Variants in LRP1B observed in about 807,000 individuals in gnomAD.
LRP1B encodes LDL receptor related protein 1B.
LRP1B carries 217 observed loss-of-function variants against 556.6 expected under a neutral mutation model. That is an observed-to-expected ratio of 0.39 (90% CI 0.35 to 0.44). The LOEUF (loss-of-function observed/expected upper bound fraction) is 0.44. Among genes scored for constraint, LRP1B ranks in the 20% least tolerant of loss-of-function variants. The pLI is 1.00. For missense variants in LRP1B, 5,053 were observed against 5,620.8 expected (o/e 0.90, Z 3.23); for synonymous variants, 2,047 against 1,865.8 (o/e 1.10, Z -2.50).
intron 3 of LRP1B, among the ~76,000 whole-genome samples, chr2:141,323,354 TATAAA>T (rs773327518): frequency 1.5e-4 from 23 of 152,186 alleles, no homozygotes; most frequent in Admixed American, 1.0e-3. Flanking sequence ...GAAAGTCAGG[TATAAA>T]ATAAATGTTT....
intron 35 of LRP1B, among the ~76,000 whole-genome samples, chr2:140,720,535 A>G (rs1441271667): frequency 6.6e-6 from 1 of 152,104 alleles, no homozygotes; most frequent in Non-Finnish European, 1.5e-5. Context: ...TAAAACAAGG[A>G]AAGACCTTTT....
At chr2:140,923,262 T>C (rs972498453) in intron 20 of LRP1B, 115 bp from the exon 21 acceptor site, 7 of 710,058 alleles carry the variant, frequency 9.9e-6, no homozygotes, top group Non-Finnish European at 1.4e-5. Flanking sequence ...GGCATTATTA[T>C]AATGCTAGAG....
intron 3 of LRP1B, among the ~76,000 whole-genome samples, chr2:141,307,322 T>C (rs1003094172): frequency 3.3e-5 from 5 of 152,148 alleles, no homozygotes; most frequent in African/African-American, 1.2e-4. Flanking sequence ...AGAATATTTA[T>C]ATATTTTTGC....
intron 43 of LRP1B, among the ~76,000 whole-genome samples, chr2:140,557,607 C>T (rs1030945697): frequency 1.3e-5 from 2 of 152,060 alleles, no homozygotes; most frequent in East Asian, 1.9e-4. Flanking sequence ...TATGCTCTTC[C>T]GTTCTCTCTG....
In LRP1B at chr2:140,920,982, A is replaced by C. The variant is rs16844961; in HGVS notation, c.3319+1983T>G. On this transcript the variant is annotated intron_variant, in intron 21 of 90. Coordinates refer to ENST00000389484, the MANE Select transcript of LRP1B (RefSeq NM_018557.3). ...TACTTCAGATTTATTTTGATGTTGAACCATATTCACAGGAAGTTGTTTTAT... is the reference window on the plus strand; with the variant it reads ...TACTTCAGATTTATTTTGATGTTGACCCATATTCACAGGAAGTTGTTTTAT... Among the ~76,000 whole-genome samples, 387 of 152,112 alleles carry C rather than the reference A, an allele frequency of 2.5e-3. 1 individual carries two copies. Among genetic ancestry groups the C allele is most frequent in the African/African-American group, 9.1e-3 (379 of 41,560 alleles).
chr2:140,552,125 G>A (rs145788303), intron 43 of LRP1B, among the ~76,000 whole-genome samples: 49 of 152,198 alleles, frequency 3.2e-4, no homozygotes, highest in African/African-American at 1.2e-3. Context: ...TTATTAGCAG[G>A]TGTATATGTG....
chr2:140,602,853 CATTTT>C (rs1682726660), intron 41 of LRP1B, among the ~76,000 whole-genome samples: 1 of 151,668 alleles, frequency 6.6e-6, no homozygotes, highest in African/African-American at 2.4e-5. Flanking sequence ...TTTCATACAT[CATTTT>C]ATTTTATACA....
At chr2:140,369,686 C>G (rs951518549) in intron 71 of LRP1B, among the ~76,000 whole-genome samples, 1 of 151,330 alleles carries the variant, frequency 6.6e-6, no homozygotes, top group Non-Finnish European at 1.5e-5. Context: ...CTATTTTTTT[C>G]TGCATAATAC....
At chr2:140,848,909 G>A (rs1041061395) in intron 29 of LRP1B, among the ~76,000 whole-genome samples, 5 of 152,092 alleles carry the variant, frequency 3.3e-5, no homozygotes, top group African/African-American at 9.7e-5. Context: ...GTTGGGACAA[G>A]TTACTCCTAT....
intron 1 of LRP1B, among the ~76,000 whole-genome samples, chr2:141,946,054 G>A (rs909467940): frequency 9.2e-5 from 14 of 152,030 alleles, no homozygotes; most frequent in Non-Finnish European, 8.8e-5. Context: ...CCCACTCAAC[G>A]AGAGAGCACG....
intron 7 of LRP1B, among the ~76,000 whole-genome samples, chr2:141,121,184 G>C (rs372351836): frequency 6.6e-6 from 1 of 152,082 alleles, no homozygotes; most frequent in East Asian, 1.9e-4. Context: ...GCCTCATGGA[G>C]TTATTGTCAG....
At chr2:141,905,045 C>T (rs961875631) in intron 1 of LRP1B, among the ~76,000 whole-genome samples, 15 of 151,764 alleles carry the variant, frequency 9.9e-5, no homozygotes, top group Non-Finnish European at 8.8e-5. Context: ...TTTAAAAATA[C>T]GGCTAATTCG....
At chr2:140,976,490 C>CT (rs796340223) in intron 18 of LRP1B, among the ~76,000 whole-genome samples, 3,611 of 116,152 alleles carry the variant, frequency 0.031, 136 homozygotes, top group African/African-American at 0.089. Flanking sequence ...ATTGAACTAT[C>CT]TTTTTTTTTT....
intron 1 of LRP1B, among the ~76,000 whole-genome samples, chr2:141,918,196 T>C: frequency 6.6e-6 from 1 of 152,022 alleles, no homozygotes; most frequent in East Asian, 1.9e-4. Context: ...AAAATGCTTT[T>C]GGAAACTTCA....
chr2:142,086,056 C>G (rs890034330), intron 1 of LRP1B, among the ~76,000 whole-genome samples: 5 of 152,042 alleles, frequency 3.3e-5, no homozygotes, highest in African/African-American at 1.2e-4. Flanking sequence ...GGTTTCAGCT[C>G]TAAAGAAATA....
At chr2:140,548,382 C>T (rs1006889883) in intron 43 of LRP1B, among the ~76,000 whole-genome samples, 9 of 152,126 alleles carry the variant, frequency 5.9e-5, no homozygotes, top group African/African-American at 2.2e-4. Flanking sequence ...AGTTTAAACA[C>T]AGAGAAATTA....
At position 140,325,822 on chromosome 2, in the gene LRP1B, T is replaced by C. The variant is rs755528146; in HGVS notation, c.12280A>G (p.Ile4094Val). 3.5e-5 allele frequency: 56 copies of C among 1,613,204 alleles called. No homozygotes were observed. The Middle Eastern group carries it at 5.0e-4, about 14-fold the overall frequency. The part of the protein sequence containing the change: ...RIYWADFELS[I>V]IGSVLYDGSN... The stretch of plus-strand genomic sequence containing the variant: ...CCATCATACAGAACACTGCCAATGA[T>C]GGAGAGCTCAAAGTCAGCCCAATAT... The change falls in exon 80 of 91, where the codon ATC becomes GTC. Residue 4094 changes from isoleucine to valine, a missense_variant. Ile to Val is a conservative substitution (Grantham distance 29). Transcript: ENST00000389484.
chr2:141,583,039 T>C (rs959421712), intron 2 of LRP1B, among the ~76,000 whole-genome samples: 1 of 151,988 alleles, frequency 6.6e-6, no homozygotes, highest in Admixed American at 6.6e-5. Context: ...GGTTTCACCG[T>C]GTTAGCCAGG....
chr2:141,436,473 C>T (rs4494671), intron 3 of LRP1B, among the ~76,000 whole-genome samples: 29,913 of 151,988 alleles, frequency 0.2, 3,626 homozygotes, highest in East Asian at 0.45. Context: ...CAGTAGGTTT[C>T]CTTGAATAAA....
Sources: gnomAD v4.1 joint callset for allele counts (sites outside exome capture counted in the v4.1 genomes callset) on GRCh38, gnomAD v4.1.1 for gene constraint, MANE v1.5 for transcripts, NCBI Gene and HGNC (gene_info 2026-07-23, HGNC 2026-07-21) for gene names.